The following CTNNA3 variants were observed in gnomAD, a reference collection of about 807,000 sequenced individuals.
CTNNA3 encodes the protein catenin alpha 3, also known as catenin alpha-3.
CTNNA3 carries 76 observed loss-of-function variants against 95.7 expected under a neutral mutation model. The ratio of observed to expected loss-of-function variants is 0.79; its 90% CI spans 0.66 to 0.96. CTNNA3 has a LOEUF of 0.96. Ranked by LOEUF, CTNNA3 falls within the 40% of genes least tolerant of loss-of-function variation. The pLI is 0.00. For missense variants in CTNNA3, 1,191 were observed against 1,089.8 expected, an observed-to-expected ratio of 1.09 and a Z score of -1.31; for synonymous variants, 431 against 374.4, an observed-to-expected ratio of 1.15 and a Z score of -1.74.
At chr10:66,401,249 G>A (rs1461443898) in intron 11 of CTNNA3, among the ~76,000 whole-genome samples, 1 of 152,008 alleles carries the variant, frequency 6.6e-6, no homozygotes, top group Non-Finnish European at 1.5e-5. Flanking sequence ...CATATAGTCC[G>A]GGAGCAGTGG....
At chr10:67,131,435 T>C (rs563593264) in intron 7 of CTNNA3, among the ~76,000 whole-genome samples, 1 of 152,224 alleles carries the variant, frequency 6.6e-6, no homozygotes, top group East Asian at 1.9e-4. Flanking sequence ...ACTATATAAG[T>C]AATAGCTATT....
intron 7 of CTNNA3, among the ~76,000 whole-genome samples, chr10:66,783,524 T>C (rs1840622209): frequency 6.6e-6 from 1 of 152,154 alleles, no homozygotes; most frequent in Admixed American, 6.6e-5. Flanking sequence ...CAGCCAGCTT[T>C]AGAAAAGTGC....
intron 1 of CTNNA3, among the ~76,000 whole-genome samples, chr10:67,701,313 C>A (rs1841037636): frequency 6.6e-6 from 1 of 152,016 alleles, no homozygotes; most frequent in East Asian, 1.9e-4. Context: ...AACACCAAGA[C>A]ACATAATTGT....
chr10:66,146,925 T>C (rs2083914200), intron 13 of CTNNA3, among the ~76,000 whole-genome samples: 1 of 152,318 alleles, frequency 6.6e-6, no homozygotes, highest in Non-Finnish European at 1.5e-5. Context: ...GGGCAGTTTG[T>C]TGAAATAATA....
intron 11 of CTNNA3, among the ~76,000 whole-genome samples, chr10:66,437,389 T>G (rs1319539739): frequency 6.6e-6 from 1 of 152,178 alleles, no homozygotes; most frequent in Non-Finnish European, 1.5e-5. Flanking sequence ...TAATTCCTTT[T>G]CATTCTTTTT....
At chr10:67,530,123 C>T (rs1007751330) in intron 4 of CTNNA3, among the ~76,000 whole-genome samples, 6 of 152,180 alleles carry the variant, frequency 3.9e-5, no homozygotes, top group Non-Finnish European at 8.8e-5. Context: ...TTATAAATTG[C>T]CCAGTCTCAG....
intron 11 of CTNNA3, among the ~76,000 whole-genome samples, chr10:66,422,222 T>C (rs1368342051): frequency 1.3e-5 from 2 of 152,120 alleles, no homozygotes; most frequent in African/African-American, 4.8e-5. Context: ...CAGCAATTTT[T>C]AATGCTGATC....
intron 5 of CTNNA3, among the ~76,000 whole-genome samples, chr10:67,320,017 A>T (rs753935058): frequency 9.2e-5 from 14 of 152,304 alleles, no homozygotes; most frequent in Middle Eastern, 3.4e-3. Flanking sequence ...AGTTGGCCAA[A>T]CTAGGCACAT....
intron 11 of CTNNA3, among the ~76,000 whole-genome samples, chr10:66,479,770 A>ACT (rs10653029): frequency 0.21 from 32,178 of 151,806 alleles, 6,495 homozygotes; most frequent in East Asian, 0.84. Flanking sequence ...TGTGTTTTTA[A>ACT]CTGCATCATT....
intron 11 of CTNNA3, among the ~76,000 whole-genome samples, chr10:66,517,691 T>G (rs1840912780): frequency 6.6e-6 from 1 of 152,144 alleles, no homozygotes; most frequent in Non-Finnish European, 1.5e-5. Context: ...ATTCTTTCAT[T>G]TCTTTACTTT....
intron 5 of CTNNA3, among the ~76,000 whole-genome samples, chr10:67,492,905 CT>C (rs1838899197): frequency 6.6e-6 from 1 of 152,058 alleles, no homozygotes; most frequent in Non-Finnish European, 1.5e-5. Flanking sequence ...AATAAGCTGG[CT>C]CATATTGAAA....
In CTNNA3 at chr10:67,385,301, C is replaced by T. The variant is rs1844110795; in HGVS notation, c.579+136541G>A. Among the ~76,000 whole-genome samples, 3 of 152,202 alleles carry T rather than the reference C, an allele frequency of 2.0e-5. No homozygotes were observed. In the South Asian group the frequency reaches 6.2e-4, roughly 31 times the overall value. On this transcript the variant is annotated intron_variant, in intron 5 of 17. Coordinates refer to ENST00000433211, the MANE Select transcript of CTNNA3 (RefSeq NM_013266.4). ...CACTTGTGGTTGACAAGGGACTTCT[C>T]CTTCTGTCCAGAATTCACTTATGCA...
chr10:67,544,171 T>G (rs1326982727), intron 3 of CTNNA3, among the ~76,000 whole-genome samples: 1 of 152,180 alleles, frequency 6.6e-6, no homozygotes, highest in Non-Finnish European at 1.5e-5. Context: ...ATTTCCATTT[T>G]ATTATCTTCG....
At chr10:66,800,809 T>G (rs544454141) in intron 7 of CTNNA3, among the ~76,000 whole-genome samples, 97 of 151,400 alleles carry the variant, frequency 6.4e-4, no homozygotes, top group Middle Eastern at 3.4e-3. Context: ...TTTTATTTGC[T>G]GAAACAAATA....
intron 12 of CTNNA3, among the ~76,000 whole-genome samples, chr10:66,336,218 G>A (rs1178259051): frequency 6.6e-5 from 10 of 151,864 alleles, no homozygotes; most frequent in South Asian, 4.1e-4. Context: ...GCTCATGCTC[G>A]GTGCACAGCA....
intron 7 of CTNNA3, among the ~76,000 whole-genome samples, chr10:66,929,017 C>T (rs1847226916): frequency 6.6e-6 from 1 of 152,176 alleles, no homozygotes. Flanking sequence ...TAGGTTAAAG[C>T]AGCACCCTGA....
chr10:67,241,189 G>A (rs1865706350), intron 5 of CTNNA3, among the ~76,000 whole-genome samples: 5 of 143,912 alleles, frequency 3.5e-5, no homozygotes, highest in Admixed American at 3.4e-4. Context: ...GGAAGGCCGA[G>A]GCAGGTGGAT....
chr10:66,356,127 T>TTC (rs2092607994), intron 12 of CTNNA3, among the ~76,000 whole-genome samples: 1 of 140,444 alleles, frequency 7.1e-6, no homozygotes, highest in Non-Finnish European at 1.6e-5. Flanking sequence ...GTTTTGTTTT[T>TTC]TTTTTTTTTT....
At chr10:66,647,415 T>C (rs750751460) in intron 9 of CTNNA3, among the ~76,000 whole-genome samples, 1 of 152,168 alleles carries the variant, frequency 6.6e-6, no homozygotes, top group Non-Finnish European at 1.5e-5. Flanking sequence ...TAATTAACTA[T>C]ATTTGGGGAA....
Sources: allele counts gnomAD v4.1 joint callset (sites outside exome capture counted in the v4.1 genomes callset), GRCh38; gene constraint gnomAD v4.1.1; transcripts MANE v1.5; gene names NCBI Gene and HGNC (gene_info 2026-07-23, HGNC 2026-07-21).